The following LRIT3 variants were observed in gnomAD, a reference collection of about 807,000 sequenced individuals.
LRIT3 encodes leucine rich repeat, Ig-like and transmembrane domains 3, also known as leucine-rich repeat, immunoglobulin-like domain and transmembrane domain-containing protein 3.
LRIT3 carries 14 observed loss-of-function variants against 22.6 expected under a neutral mutation model. That is an observed-to-expected ratio of 0.62 (90% CI 0.41 to 0.97). LRIT3 has a LOEUF of 0.97. LRIT3 is among the 50% of genes least tolerant of loss of function. LRIT3 has a pLI of 0.00. For missense variants in LRIT3, 783 were observed against 803.0 expected (o/e 0.98, Z 0.30); for synonymous variants, 306 against 304.5 (o/e 1.01, Z -0.05).
intron 2 of LRIT3, among the ~76,000 whole-genome samples, chr4:109,860,892 A>G (rs1734519925): frequency 6.6e-6 from 1 of 152,262 alleles, no homozygotes; most frequent in African/African-American, 2.4e-5. Flanking sequence ...GCAAAATTGT[A>G]TTCAATTGTA....
chr4:109,863,917 G>T (rs1354262900), intron 2 of LRIT3, among the ~76,000 whole-genome samples: 3 of 152,156 alleles, frequency 2.0e-5, no homozygotes, highest in Non-Finnish European at 4.4e-5. Context: ...GAGAAGCACG[G>T]TCTTTGCCAC....
intron 2 of LRIT3, among the ~76,000 whole-genome samples, chr4:109,866,332 C>G (rs1037016535): frequency 6.6e-5 from 10 of 152,050 alleles, no homozygotes; most frequent in Admixed American, 6.6e-4. Context: ...GGAACATCAC[C>G]CCTAAGATCC....
rs560811810 is a variant in LRIT3 at position 109,850,983 on chromosome 4, G to A, written c.117-521G>A. 2.6e-5 allele frequency among the ~76,000 whole-genome samples: 4 copies of A among 151,858 alleles called. No individual in the cohort carries two copies. In the East Asian group the frequency reaches 7.7e-4, roughly 29 times the overall value. ...TTTTCACCTAAATAAATTATTCTCT[G>A]AACAAGGATTGATTTATTATTTTAA... is the stretch of plus-strand genomic sequence containing the variant. On this transcript the variant is annotated intron_variant, in intron 1 of 3. Coordinates refer to ENST00000594814, the MANE Select transcript of LRIT3 (RefSeq NM_198506.5).
Position 109,868,097 on chromosome 4 carries a change from A to G in LRIT3, c.895+151A>G, listed in dbSNP as rs867560993. 1.8e-5 allele frequency: 14 copies of G among 786,878 alleles called. No homozygotes were observed. The African/African-American group carries it at 2.3e-4, about 13-fold the overall frequency. 48.7% of individuals were successfully genotyped at this position (786,878 alleles called of 1,614,324 possible). On this transcript the variant is annotated intron_variant, in intron 3 of 3. Transcript: ENST00000594814. The stretch of plus-strand genomic sequence containing the variant: ...GGGATTTTAAAGGTACATTTTATTC[A>G]TTAGTATTCTCCTCAGTTTATCTAA...
At chr4:109,850,409 TCCTTCCTTCCTTC>T (rs1243177707) in intron 1 of LRIT3, among the ~76,000 whole-genome samples, 164 of 9,352 alleles carry the variant, frequency 0.018, 7 homozygotes, top group African/African-American at 0.042. Flanking sequence ...CTTCCTTCCT[TCCTTCCTTCCTTC>T]CTTTCTTTCT....
chr4:109,866,672 T>C (rs1268108589), intron 2 of LRIT3, among the ~76,000 whole-genome samples: 3 of 152,178 alleles, frequency 2.0e-5, no homozygotes, highest in Non-Finnish European at 4.4e-5. Context: ...TGATTTTCCA[T>C]GTGGACCACA....
chr4:109,864,285 A>G (rs1374088475), intron 2 of LRIT3, among the ~76,000 whole-genome samples: 2 of 152,120 alleles, frequency 1.3e-5, no homozygotes, highest in Admixed American at 6.6e-5. Flanking sequence ...AACTTAAAAT[A>G]TCCCCTTTCC....
rs1395510836 is a variant in LRIT3 at position 109,871,550 on chromosome 4, CCTT to C, written c.*765_*767del. On this transcript the variant is annotated 3_prime_UTR_variant, in exon 4 of 4. Coordinates refer to ENST00000594814, the MANE Select transcript of LRIT3 (RefSeq NM_198506.5). Reference sequence around the variant, plus strand: ...TTTTGCTGTTTGCTCTTATGTTCTCCCTTCTTTCTTCCTTCCTTGTCTTCCCTC... The same window carrying C: ...TTTTGCTGTTTGCTCTTATGTTCTCCCTTTCTTCCTTCCTTGTCTTCCCTC... 6.6e-6 allele frequency: 1 copy of C among 152,062 alleles called. No individual in the cohort carries two copies. Among genetic ancestry groups the C allele is most frequent in the African/African-American group, 2.4e-5 (1 of 41,390 alleles). 9.4% of individuals were successfully genotyped at this position (152,062 alleles called of 1,614,324 possible).
chr4:109,866,260 C>G (rs2125900603), intron 2 of LRIT3, among the ~76,000 whole-genome samples: 1 of 152,242 alleles, frequency 6.6e-6, no homozygotes, highest in Non-Finnish European at 1.5e-5. Flanking sequence ...TAGTAAAAAG[C>G]TATAACCACA....
intron 2 of LRIT3, among the ~76,000 whole-genome samples, chr4:109,853,086 G>A (rs1202228691): frequency 6.6e-6 from 1 of 152,174 alleles, no homozygotes. Flanking sequence ...ATAATCCTTT[G>A]GGTATATACC....
intron 2 of LRIT3, among the ~76,000 whole-genome samples, chr4:109,858,032 T>C (rs2078039): frequency 0.83 from 126,292 of 152,070 alleles, 52,682 homozygotes; most frequent in African/African-American, 0.92. Flanking sequence ...TTAGTGGGTC[T>C]CAGGCACAAA....
At chr4:109,852,995 C>T (rs1465937028) in intron 2 of LRIT3, among the ~76,000 whole-genome samples, 1 of 151,884 alleles carries the variant, frequency 6.6e-6, no homozygotes, top group Non-Finnish European at 1.5e-5. Context: ...CACTGATGGG[C>T]ATTTGGTTCG....
At position 109,872,106 on chromosome 4, in the gene LRIT3, C is replaced by T. The variant is rs1734851747; in HGVS notation, c.*1317C>T. ...GCCTAACCTTACTAGATTAAACTTG[C>T]TCTATGAAAGAAACACTTGGTAATT... is the stretch of plus-strand genomic sequence containing the variant. On this transcript the variant is annotated 3_prime_UTR_variant, in exon 4 of 4. Coordinates refer to ENST00000594814, the MANE Select transcript of LRIT3 (RefSeq NM_198506.5). The T allele has an allele frequency of 1.3e-5, 2 of 152,136 alleles. No individual in the cohort carries two copies. The highest frequency in any genetic ancestry group is 2.9e-5 in the Non-Finnish European group (2 of 68,036). 9.4% of individuals were successfully genotyped at this position (152,136 alleles called of 1,614,324 possible). A position where few individuals can be genotyped will look rare whatever the true frequency, so the allele number is the denominator to read the frequency against.
intron 2 of LRIT3, among the ~76,000 whole-genome samples, chr4:109,865,665 G>T (rs1378556848): frequency 6.6e-6 from 1 of 152,106 alleles, no homozygotes; most frequent in Non-Finnish European, 1.5e-5. Flanking sequence ...ACTATGTTTA[G>T]CAAGAAAGGT....
At chr4:109,849,351 A>G (rs1175150094) in intron 1 of LRIT3, among the ~76,000 whole-genome samples, 2 of 152,214 alleles carry the variant, frequency 1.3e-5, no homozygotes, top group Non-Finnish European at 2.9e-5. Context: ...TTGAGAAACT[A>G]TCACAGAAAT....
intron 1 of LRIT3, among the ~76,000 whole-genome samples, chr4:109,850,666 G>A (rs374527305): frequency 8.7e-4 from 131 of 151,430 alleles, no homozygotes; most frequent in Middle Eastern, 3.4e-3. Flanking sequence ...TAGTGGAGTC[G>A]GGGTTTCGTC....
In LRIT3 at chr4:109,867,874, T is replaced by A; in HGVS notation, c.823T>A (p.Cys275Ser). The A allele has an allele frequency of 6.2e-7, 1 of 1,614,028 alleles. No homozygotes were observed. The highest frequency in any genetic ancestry group is 8.5e-7 in the Non-Finnish European group (1 of 1,180,014). ...SALGSNVLLRCDATGFPTPQI... is the reference protein window; with the variant it reads ...SALGSNVLLRSDATGFPTPQI... ...TCTGGGCAGTAATGTTCTACTGCGG[T>A]GTGATGCCACTGGCTTCCCCACCCC... Residue 275 changes from cysteine (C) to serine (S), a missense_variant, in exon 3 of 4, where the codon TGT (cysteine) becomes AGT (serine). Cys to Ser is a moderately radical substitution (Grantham distance 112). Coordinates refer to ENST00000594814, the MANE Select transcript of LRIT3 (RefSeq NM_198506.5).
rs751268444 is a variant in LRIT3 at position 109,870,048 on chromosome 4, T to C, written c.1299T>C (p.Ser433=). The C allele has an allele frequency of 3.1e-6, 5 of 1,614,070 alleles. No individual in the cohort carries two copies. The highest frequency in any genetic ancestry group is 4.2e-6 in the Non-Finnish European group (5 of 1,180,052). ...CTCTGAGCACAAGCATCTCAGCAAG[T>C]ACCACCATGGCCAACAAGCGATCAT... The part of the protein sequence containing the change: ...TTTLSTSISA[S]TTMANKRSFQ... The change falls in exon 4 of 4, where the codon AGT becomes AGC. Residue 433 remains serine (S), a synonymous_variant. Transcript: ENST00000594814.
chr4:109,852,030 C>CT, intron 2 of LRIT3, 54 bp downstream of exon 2: 3 of 1,426,536 alleles, frequency 2.1e-6, no homozygotes, highest in Non-Finnish European at 1.9e-6. Context: ...CTATGCATAG[C>CT]TTTTTTTGTC....
Sources: allele counts gnomAD v4.1 joint callset (sites outside exome capture counted in the v4.1 genomes callset), GRCh38; gene constraint gnomAD v4.1.1; transcripts MANE v1.5; gene names NCBI Gene and HGNC (gene_info 2026-07-23, HGNC 2026-07-21).